Variants in ADAM12 observed in about 807,000 individuals in gnomAD.
ADAM12 encodes the protein disintegrin and metalloproteinase domain-containing protein 12.
ADAM12 carries 70 observed loss-of-function variants against 106.4 expected under a neutral mutation model. That is an observed-to-expected ratio of 0.66 (90% CI 0.54 to 0.80). ADAM12 has a LOEUF of 0.80. Among genes scored for constraint, ADAM12 ranks in the 30% least tolerant of loss-of-function variants. The pLI is 0.00. For synonymous variants in ADAM12, 420 were observed against 433.5 expected, an observed-to-expected ratio of 0.97 and a Z score of 0.39; for missense variants, 1,010 against 1,171.9, an observed-to-expected ratio of 0.86 and a Z score of 2.02.
chr10:126,018,372 A>G (rs1367358392), intron 22 of ADAM12, among the ~76,000 whole-genome samples: 1 of 152,186 alleles, frequency 6.6e-6, no homozygotes, highest in Non-Finnish European at 1.5e-5. Context: ...CCTGATTTGC[A>G]GTATTTGCCA....
At position 126,047,565 on chromosome 10, in the gene ADAM12, A is replaced by T. The variant is rs1878032; in HGVS notation, c.1918-1433T>A. Among the ~76,000 whole-genome samples, 7 of 152,076 alleles carry T rather than the reference A, an allele frequency of 4.6e-5. No individual in the cohort carries two copies. In the East Asian group the frequency reaches 1.2e-3, roughly 25 times the overall value. The stretch of plus-strand genomic sequence containing the variant: ...CCTTGGAATTGGAATGTCCAGATGC[A>T]CCTGGCCCTGGCTGTTCAGGCTACA... On this transcript the variant is annotated intron_variant, in intron 16 of 22. Transcript: ENST00000448723.
chr10:126,293,051 C>G (rs1960225218), intron 2 of ADAM12, among the ~76,000 whole-genome samples: 1 of 152,160 alleles, frequency 6.6e-6, no homozygotes. Flanking sequence ...ATTGCAGAAC[C>G]ATTGTTGCTC....
intron 18 of ADAM12, 77 bp downstream of exon 18, chr10:126,042,963 C>A: frequency 7.2e-6 from 10 of 1,397,524 alleles, no homozygotes; most frequent in Non-Finnish European, 9.8e-6. Flanking sequence ...CTACCTGCAC[C>A]CATGCTGACA....
At chr10:126,106,486 CTTTTTTT>C (rs533243635) in intron 8 of ADAM12, among the ~76,000 whole-genome samples, 3 of 115,972 alleles carry the variant, frequency 2.6e-5, no homozygotes, top group East Asian at 2.4e-4. Flanking sequence ...TCTTCTTCTT[CTTTTTTT>C]TTTTTTTTTT....
intron 11 of ADAM12, chr10:126,090,717 CAAGTCTT>C (rs1955448035): frequency 6.6e-6 from 1 of 152,210 alleles, no homozygotes; most frequent in South Asian, 2.1e-4. Flanking sequence ...TGAAGTCACA[CAAGTCTT>C]AAGTTGAAAT....
intron 3 of ADAM12, among the ~76,000 whole-genome samples, chr10:126,267,723 G>T (rs1193872261): frequency 1.3e-5 from 2 of 152,088 alleles, no homozygotes; most frequent in African/African-American, 2.4e-5. Context: ...AGTTCCTAAG[G>T]GTTGGGGAGA....
rs567509677 is a variant in ADAM12, at chr10:126,030,698, C to T, written c.2529+5448G>A. The stretch of plus-strand genomic sequence containing the variant: ...ATCATGCTTCCGTGGATAACTGATA[C>T]CCTTAAAGACATTTGATGTTTGTGT... On this transcript the variant is annotated intron_variant, in intron 21 of 22. Transcript: ENST00000448723. 3.3e-5 allele frequency among the ~76,000 whole-genome samples: 5 copies of T among 152,258 alleles called. No homozygotes were observed. In the South Asian group the frequency reaches 6.2e-4, roughly 19 times the overall value.
intron 3 of ADAM12, among the ~76,000 whole-genome samples, chr10:126,252,672 G>A (rs1223730898): frequency 3.3e-5 from 5 of 152,014 alleles, no homozygotes; most frequent in African/African-American, 7.2e-5. Context: ...ATTGGGTTAC[G>A]GGGGATCTTT....
chr10:126,305,474 G>T (rs1960805136), intron 2 of ADAM12, among the ~76,000 whole-genome samples: 3 of 152,042 alleles, frequency 2.0e-5, no homozygotes, highest in Admixed American at 1.3e-4. Context: ...TGATAAGAAA[G>T]ACTGATTGAA....
chr10:126,024,570 C>T (rs996434098), intron 21 of ADAM12, among the ~76,000 whole-genome samples: 1 of 152,078 alleles, frequency 6.6e-6, no homozygotes, highest in Non-Finnish European at 1.5e-5. Context: ...GTAACTGTCA[C>T]AAAGTCCCAA....
chr10:126,118,889 C>A (rs937888818), intron 5 of ADAM12, among the ~76,000 whole-genome samples: 3 of 152,114 alleles, frequency 2.0e-5, no homozygotes, highest in African/African-American at 7.2e-5. Flanking sequence ...TGAGTTATTT[C>A]ATTTACAATA....
intron 9 of ADAM12, among the ~76,000 whole-genome samples, chr10:126,099,640 A>G (rs1361150300): frequency 6.6e-6 from 1 of 152,226 alleles, no homozygotes; most frequent in Non-Finnish European, 1.5e-5. Context: ...AAGACTAATC[A>G]ATGCATAAAA....
chr10:126,348,287 G>A (rs151228593), intron 1 of ADAM12, among the ~76,000 whole-genome samples: 19 of 152,268 alleles, frequency 1.2e-4, no homozygotes, highest in Non-Finnish European at 1.8e-4. Flanking sequence ...AAGAGCAATC[G>A]GAGTTGGGCT....
chr10:126,293,772 C>T (rs1046361240), intron 2 of ADAM12, among the ~76,000 whole-genome samples: 11 of 152,142 alleles, frequency 7.2e-5, no homozygotes, highest in African/African-American at 1.4e-4. Flanking sequence ...CCACCCACCT[C>T]GGCCTCCCAT....
chr10:126,147,958 T>C (rs557938305), intron 4 of ADAM12, among the ~76,000 whole-genome samples: 1 of 152,312 alleles, frequency 6.6e-6, no homozygotes, highest in East Asian at 1.9e-4. Flanking sequence ...CATCTAGCCT[T>C]TTTGGGGACC....
chr10:126,214,353 C>T (rs1957950342), intron 3 of ADAM12, among the ~76,000 whole-genome samples: 2 of 152,198 alleles, frequency 1.3e-5, no homozygotes, highest in Admixed American at 6.5e-5. Flanking sequence ...AGTTTCTACC[C>T]TGTAGGGTTG....
chr10:126,052,981 A>G (rs908919736), intron 14 of ADAM12, among the ~76,000 whole-genome samples: 1 of 152,156 alleles, frequency 6.6e-6, no homozygotes, highest in East Asian at 1.9e-4. Context: ...TGTTGGAGGT[A>G]GGACCTGGTA....
chr10:126,309,505 T>C (rs908066514), intron 2 of ADAM12, among the ~76,000 whole-genome samples: 3 of 152,240 alleles, frequency 2.0e-5, no homozygotes, highest in Non-Finnish European at 4.4e-5. Flanking sequence ...AAGAGTTGAT[T>C]TATTAAGTAA....
intron 1 of ADAM12, among the ~76,000 whole-genome samples, chr10:126,343,563 C>T (rs1294366121): frequency 6.6e-6 from 1 of 152,152 alleles, no homozygotes; most frequent in Non-Finnish European, 1.5e-5. Flanking sequence ...ATGGCTGGGT[C>T]AAATGGTATT....
Sources: gnomAD v4.1 joint callset for allele counts (sites outside exome capture counted in the v4.1 genomes callset) on GRCh38, gnomAD v4.1.1 for gene constraint, MANE v1.5 for transcripts, NCBI Gene and HGNC (gene_info 2026-07-23, HGNC 2026-07-21) for gene names.